Variants in ANXA11 observed in about 807,000 individuals in gnomAD.
ANXA11 encodes annexin A11.
A neutral mutation model predicts 64.7 loss-of-function variants in ANXA11; 57 were observed. That is an observed-to-expected ratio of 0.88 (90% CI 0.71 to 1.10). ANXA11 has a LOEUF of 1.10. ANXA11 is among the 50% of genes least tolerant of loss of function. ANXA11 has a pLI of 0.00. For missense variants in ANXA11, 675 were observed against 670.7 expected, an observed-to-expected ratio of 1.01 and a Z score of -0.07; for synonymous variants, 260 against 265.2, an observed-to-expected ratio of 0.98 and a Z score of 0.19.
chr10:80,174,565 C>T (rs1219679079), intron 2 of ANXA11, among the ~76,000 whole-genome samples: 2 of 149,846 alleles, frequency 1.3e-5, no homozygotes, highest in Non-Finnish European at 3.0e-5. Context: ...GCATGAGCCA[C>T]CATGCCTGGC....
rs1845161044 is a variant in ANXA11 at position 80,151,758 on chromosome 10, TG to T, written c.*4094del. 1 of 152,228 alleles carries T rather than the reference TG, an allele frequency of 6.6e-6. No individual in the cohort carries two copies. Among genetic ancestry groups the T allele is most frequent in the African/African-American group, 2.4e-5 (1 of 41,466 alleles). 9.4% of individuals were successfully genotyped at this position (152,228 alleles called of 1,614,324 possible). On this transcript the variant is annotated 3_prime_UTR_variant, in exon 16 of 16. Coordinates refer to ENST00000422982, the MANE Select transcript of ANXA11 (RefSeq NM_145868.2). Reference sequence around the variant, plus strand: ...CTGTGCCATCTGCTCACCTGCCCTCTGGAGGAACACCTCTACTTTTGCGGTG... The same window carrying T: ...CTGTGCCATCTGCTCACCTGCCCTCTGAGGAACACCTCTACTTTTGCGGTG...
intron 9 of ANXA11, among the ~76,000 whole-genome samples, chr10:80,163,850 T>C (rs1198240048): frequency 1.3e-5 from 2 of 152,172 alleles, no homozygotes; most frequent in African/African-American, 4.8e-5. Flanking sequence ...TGCCTCTCCC[T>C]TACATTAGTC....
chr10:80,182,074 G>A (rs768454989), intron 1 of ANXA11, among the ~76,000 whole-genome samples: 2 of 152,122 alleles, frequency 1.3e-5, no homozygotes, highest in Non-Finnish European at 2.9e-5. Flanking sequence ...ACGATATTCT[G>A]GAGAAAGCAA....
chr10:80,168,515 T>G (rs1330338563), intron 5 of ANXA11, among the ~76,000 whole-genome samples: 4 of 152,056 alleles, frequency 2.6e-5, no homozygotes, highest in African/African-American at 9.7e-5. Flanking sequence ...TGACGCTCTT[T>G]GTTTGTCTTT....
intron 3 of ANXA11, among the ~76,000 whole-genome samples, 197 bp downstream of exon 3, chr10:80,172,610 C>T (rs1207985068): frequency 1.3e-5 from 2 of 152,138 alleles, no homozygotes; most frequent in Admixed American, 6.5e-5. Context: ...CCTAGGCCTC[C>T]GATGGCCTTA....
In ANXA11 at chr10:80,166,069, CACACACGT is replaced by C; in HGVS notation, c.858+7_858+14del. 7.1e-7 allele frequency: 1 copy of C among 1,413,652 alleles called. No homozygotes were observed. The highest frequency in any genetic ancestry group is 1.0e-6 in the Non-Finnish European group (1 of 1,003,136). 87.6% of individuals were successfully genotyped at this position (1,413,652 alleles called of 1,614,324 possible). A position where few individuals can be genotyped will look rare whatever the true frequency, so the allele number is the denominator to read the frequency against. On this transcript the variant is annotated splice_region_variant and intron_variant, in intron 8 of 15. Coordinates refer to ENST00000422982, the MANE Select transcript of ANXA11 (RefSeq NM_145868.2). The stretch of plus-strand genomic sequence containing the variant: ...ACACACACACACACACACACACACA[CACACACGT>C]ACACACCTTGATGGCTTCCTTTATC...
At chr10:80,156,518 C>A (rs1258903038) in intron 15 of ANXA11, 1 of 464,490 alleles carries the variant, frequency 2.2e-6, no homozygotes, top group African/African-American at 2.0e-5. Context: ...ATTATTAACT[C>A]TCTTTTTTTT....
In ANXA11 at chr10:80,157,718, G is replaced by C; in HGVS notation, c.1381C>G (p.Arg461Gly). ...ATGTCCAGGAGGTCGGTCTCGCTGCGAGACACCATGATGCGAATCAGGGTC... is the reference window on the plus strand; with the variant it reads ...ATGTCCAGGAGGTCGGTCTCGCTGCCAGACACCATGATGCGAATCAGGGTC... The part of the protein sequence containing the change: ...DRTLIRIMVS[R>G]SETDLLDIRS... The change falls in exon 15 of 16, where the codon CGC (arginine) becomes GGC (glycine). Residue 461 changes from arginine (R) to glycine (G), a missense_variant. Coordinates refer to ENST00000422982, the MANE Select transcript of ANXA11 (RefSeq NM_145868.2). The C allele has an allele frequency of 5.6e-6, 9 of 1,613,936 alleles. No individual in the cohort carries two copies. Among genetic ancestry groups the C allele is most frequent in the Non-Finnish European group, 7.6e-6 (9 of 1,179,952 alleles).
Position 80,169,128 on chromosome 10 carries a change from T to C in ANXA11, c.402A>G (p.Pro134=), listed in dbSNP as rs1372501219. 1.8e-5 allele frequency: 28 copies of C among 1,541,842 alleles called. No homozygotes were observed. The highest frequency in any genetic ancestry group is 2.3e-5 in the Non-Finnish European group (26 of 1,149,828). ...CCCCTGGGGGCTGCTGTCCGGGGGG[T>C]GGCATGGGCTGGCCCGGCACAGGGG... The part of the protein sequence containing the change: ...PGAPVPGQPM[P]PPGQQPPGAY... Residue 134 remains proline (P), a synonymous_variant, in exon 5 of 16, where the codon CCA becomes CCG. Transcript: ENST00000422982.
At chr10:80,172,044 C>G (rs1589431321) in intron 3 of ANXA11, among the ~76,000 whole-genome samples, 1 of 152,306 alleles carries the variant, frequency 6.6e-6, no homozygotes, top group East Asian at 1.9e-4. Context: ...AGGACCTCAG[C>G]TCCAAAGAAA....
chr10:80,183,044 C>T (rs990648452), intron 1 of ANXA11, among the ~76,000 whole-genome samples: 13 of 152,166 alleles, frequency 8.5e-5, no homozygotes, highest in African/African-American at 2.9e-4. Flanking sequence ...GACCTGGTGC[C>T]CCTCCTGGCA....
intron 14 of ANXA11, 57 bp from the exon 15 acceptor site, chr10:80,157,820 C>T: frequency 6.3e-7 from 1 of 1,596,274 alleles, no homozygotes; most frequent in Non-Finnish European, 8.6e-7. Flanking sequence ...TCCCACCTGC[C>T]CTGGGCCCTC....
At chr10:80,202,369 C>T (rs1054281885) in intron 1 of ANXA11, among the ~76,000 whole-genome samples, 96 of 152,144 alleles carry the variant, frequency 6.3e-4, no homozygotes, top group African/African-American at 2.1e-3. Flanking sequence ...TAGGATCCTC[C>T]CAAATAGCAA....
At position 80,169,268 on chromosome 10, in the gene ANXA11, CA is replaced by C. The variant is rs1564610775; in HGVS notation, c.261del (p.Gly88AlafsTer63). On this transcript the variant is annotated frameshift_variant, in exon 5 of 16. Coordinates refer to ENST00000422982, the MANE Select transcript of ANXA11 (RefSeq NM_145868.2). LOFTEE classifies it high-confidence loss of function. ...APGAGYPPVP[P>X]GGFGQPPSAQ... ...GCAGAGGGGGGCTGCCCAAAGCCGC[CA>C]GGGGGCACTGGTGGGTAGCCAGCCC... is the stretch of plus-strand genomic sequence containing the variant. 6.2e-7 allele frequency: 1 copy of C among 1,611,922 alleles called. No homozygotes were observed. The highest frequency in any genetic ancestry group is 1.3e-5 in the African/African-American group (1 of 75,000).
chr10:80,168,659 G>A (rs1014104513), intron 5 of ANXA11, among the ~76,000 whole-genome samples: 3 of 152,048 alleles, frequency 2.0e-5, no homozygotes, highest in South Asian at 2.1e-4. Context: ...TCAGCCTCCC[G>A]AGTAGCTGGG....
chr10:80,178,700 G>A (rs1005799433), intron 1 of ANXA11, among the ~76,000 whole-genome samples: 5 of 152,224 alleles, frequency 3.3e-5, no homozygotes, highest in African/African-American at 1.2e-4. Context: ...TGTCTCTGGG[G>A]CAGGGCCCAA....
At chr10:80,204,385 AG>A (rs1435870923) in intron 1 of ANXA11, among the ~76,000 whole-genome samples, 1 of 152,266 alleles carries the variant, frequency 6.6e-6, no homozygotes, top group Non-Finnish European at 1.5e-5. Flanking sequence ...TGAGCATACC[AG>A]GCCCTGCCCT....
chr10:80,197,947 C>T (rs1840246976), intron 1 of ANXA11, among the ~76,000 whole-genome samples: 1 of 152,036 alleles, frequency 6.6e-6, no homozygotes, highest in Non-Finnish European at 1.5e-5. Flanking sequence ...TAACCCCTAT[C>T]CCACTGGGTC....
intron 1 of ANXA11, among the ~76,000 whole-genome samples, chr10:80,189,597 G>A (rs1402044906): frequency 1.3e-5 from 2 of 152,204 alleles, no homozygotes; most frequent in African/African-American, 2.4e-5. Flanking sequence ...GTGGTCTTCA[G>A]ACCAGATGAC....
Sources: gnomAD v4.1 joint callset for allele counts (sites outside exome capture counted in the v4.1 genomes callset) on GRCh38, gnomAD v4.1.1 for gene constraint, MANE v1.5 for transcripts, NCBI Gene and HGNC (gene_info 2026-07-23, HGNC 2026-07-21) for gene names.